Variants in AGBL4 observed in about 807,000 individuals in gnomAD.
AGBL4 encodes the protein cytosolic carboxypeptidase 6.
Under a neutral mutation model 66.4 loss-of-function variants are expected in AGBL4, and 58 were observed. That is an observed-to-expected ratio of 0.87 (90% CI 0.71 to 1.09). The LOEUF is 1.09. Among genes scored for constraint, AGBL4 ranks in the 50% least tolerant of loss-of-function variants. The pLI is 0.00. For synonymous variants in AGBL4, 234 were observed against 222.9 expected, an observed-to-expected ratio of 1.05 and a Z score of -0.44; for missense variants, 579 against 631.0, an observed-to-expected ratio of 0.92 and a Z score of 0.88.
rs1361567767 is a variant in AGBL4, at chr1:49,477,251, A to G, written c.282+220062T>C. 1.3e-5 allele frequency among the ~76,000 whole-genome samples: 2 copies of G among 151,996 alleles called. 1 individual carries two copies. Among genetic ancestry groups the G allele is most frequent in the South Asian group, 4.1e-4 (2 of 4,822 alleles). Reference sequence around the variant, plus strand: ...GGTAGCAAGGTAGTAATTACAGCAGACCTTGGGCAAGACACAGTGCTATGC... The same window carrying G: ...GGTAGCAAGGTAGTAATTACAGCAGGCCTTGGGCAAGACACAGTGCTATGC... On this transcript the variant is annotated intron_variant, in intron 3 of 13. Coordinates refer to ENST00000371839, the MANE Select transcript of AGBL4 (RefSeq NM_032785.4).
intron 3 of AGBL4, among the ~76,000 whole-genome samples, chr1:49,257,985 C>G (rs908099692): frequency 6.6e-6 from 1 of 152,180 alleles, no homozygotes; most frequent in African/African-American, 2.4e-5. Context: ...AACGATCAGA[C>G]AGCAGCATTT....
At chr1:49,277,786 C>G (rs920043164) in intron 3 of AGBL4, among the ~76,000 whole-genome samples, 2 of 151,390 alleles carry the variant, frequency 1.3e-5, no homozygotes, top group Non-Finnish European at 2.9e-5. Flanking sequence ...AACTGTCCTC[C>G]CACTCCAACT....
intron 3 of AGBL4, among the ~76,000 whole-genome samples, chr1:49,284,176 G>A (rs533521671): frequency 5.9e-5 from 9 of 152,154 alleles, no homozygotes; most frequent in South Asian, 2.1e-4. Context: ...CGGATCTCTC[G>A]GCAGAAACCC....
At chr1:48,611,717 G>C (rs1043776377) in intron 9 of AGBL4, among the ~76,000 whole-genome samples, 1 of 152,156 alleles carries the variant, frequency 6.6e-6, no homozygotes, top group Non-Finnish European at 1.5e-5. Flanking sequence ...CTGAGTAAGA[G>C]AGAGAAAGGA....
intron 6 of AGBL4, among the ~76,000 whole-genome samples, chr1:48,725,413 G>T (rs1417033891): frequency 6.6e-6 from 1 of 152,154 alleles, no homozygotes; most frequent in East Asian, 1.9e-4. Flanking sequence ...CAAACAAAAT[G>T]AATTTGAGTT....
At chr1:48,836,933 G>T (rs1438968418) in intron 6 of AGBL4, among the ~76,000 whole-genome samples, 1 of 148,950 alleles carries the variant, frequency 6.7e-6, no homozygotes, top group African/African-American at 2.5e-5. Flanking sequence ...AGGGTTAAAA[G>T]ATAATAAAAT....
At chr1:48,636,556 A>G (rs1645671227) in intron 8 of AGBL4, among the ~76,000 whole-genome samples, 1 of 152,182 alleles carries the variant, frequency 6.6e-6, no homozygotes, top group Non-Finnish European at 1.5e-5. Context: ...AATCTTACCA[A>G]TTGCTCTCCT....
chr1:49,812,307 G>A (rs977079011), intron 2 of AGBL4, among the ~76,000 whole-genome samples: 23 of 152,234 alleles, frequency 1.5e-4, no homozygotes, highest in African/African-American at 4.6e-4. Flanking sequence ...AAGGTGGAAC[G>A]AAAGGGAGAA....
At chr1:49,207,255 ACTGACTGG>A (rs1299819713) in intron 4 of AGBL4, among the ~76,000 whole-genome samples, 1 of 151,976 alleles carries the variant, frequency 6.6e-6, no homozygotes, top group Non-Finnish European at 1.5e-5. Flanking sequence ...AGCAGAACTG[ACTGACTGG>A]CACAACACAT....
intron 6 of AGBL4, among the ~76,000 whole-genome samples, chr1:48,752,230 A>C (rs1440642421): frequency 1.3e-5 from 2 of 152,136 alleles, no homozygotes; most frequent in African/African-American, 2.4e-5. Context: ...ACTCCTGCTC[A>C]TTGTGAAAAT....
At chr1:49,608,574 A>C (rs1286095503) in intron 3 of AGBL4, among the ~76,000 whole-genome samples, 1 of 152,078 alleles carries the variant, frequency 6.6e-6, no homozygotes, top group Non-Finnish European at 1.5e-5. Context: ...GCACCACCAA[A>C]GAGGAAGGCA....
intron 6 of AGBL4, among the ~76,000 whole-genome samples, chr1:48,752,069 T>A (rs1398856099): frequency 6.6e-6 from 1 of 152,204 alleles, no homozygotes; most frequent in East Asian, 1.9e-4. Context: ...CAACAGTTTT[T>A]GAAACTGCCC....
chr1:48,582,075 CACAGGGTT>C (rs1644748810), intron 11 of AGBL4, among the ~76,000 whole-genome samples: 1 of 152,178 alleles, frequency 6.6e-6, no homozygotes. Context: ...TTAGATGGTT[CACAGGGTT>C]TTGTTGAAGC....
At position 49,033,590 on chromosome 1, in the gene AGBL4, G is replaced by A. The variant is rs578013045; in HGVS notation, c.594+11994C>T. ...TGCTCCTTGACTTTCCTGCCCACAA[G>A]GTCATCAGTCCTCTCTCACCTCCTT... On this transcript the variant is annotated intron_variant, in intron 5 of 13. Coordinates refer to ENST00000371839, the MANE Select transcript of AGBL4 (RefSeq NM_032785.4). Among the ~76,000 whole-genome samples, 5 of 152,096 alleles carry A rather than the reference G, an allele frequency of 3.3e-5. No individual in the cohort carries two copies. The South Asian group carries it at 1.0e-3, about 32-fold the overall frequency.
At chr1:48,555,802 G>T (rs539850370) in intron 11 of AGBL4, among the ~76,000 whole-genome samples, 1 of 152,240 alleles carries the variant, frequency 6.6e-6, no homozygotes, top group Non-Finnish European at 1.5e-5. Context: ...GGAGTTGTGA[G>T]GAGGACAAAG....
At chr1:50,021,808 A>T (rs1027466142) in intron 1 of AGBL4, among the ~76,000 whole-genome samples, 1 of 152,138 alleles carries the variant, frequency 6.6e-6, no homozygotes, top group Non-Finnish European at 1.5e-5. Context: ...AATTATTCTA[A>T]TCATGGCATG....
intron 1 of AGBL4, among the ~76,000 whole-genome samples, chr1:49,873,538 A>G (rs1406258787): frequency 6.6e-6 from 1 of 152,094 alleles, no homozygotes; most frequent in African/African-American, 2.4e-5. Context: ...AAAAAGTCAG[A>G]TATTGCCACA....
chr1:49,791,224 T>C (rs2147928493), intron 2 of AGBL4, among the ~76,000 whole-genome samples: 1 of 152,228 alleles, frequency 6.6e-6, no homozygotes, highest in East Asian at 1.9e-4. Context: ...AATGAATGTA[T>C]GGATAGATTA....
chr1:48,578,419 T>C (rs1644687289), intron 11 of AGBL4, among the ~76,000 whole-genome samples: 1 of 152,220 alleles, frequency 6.6e-6, no homozygotes, highest in Non-Finnish European at 1.5e-5. Context: ...CAGTACAGTT[T>C]AGACTTCGGT....
Sources: allele counts gnomAD v4.1 joint callset (sites outside exome capture counted in the v4.1 genomes callset), GRCh38; gene constraint gnomAD v4.1.1; transcripts MANE v1.5; gene names NCBI Gene and HGNC (gene_info 2026-07-23, HGNC 2026-07-21).